The following SPINK6 variants were observed in gnomAD, a reference collection of about 807,000 sequenced individuals.
SPINK6 encodes serine peptidase inhibitor Kazal type 6, also known as serine protease inhibitor Kazal-type 6.
A neutral mutation model predicts 11.7 loss-of-function variants in SPINK6; 13 were observed. The observed-to-expected ratio is 1.11, with a 90% CI of 0.72 to 1.76. SPINK6 has a LOEUF of 1.76. Ranked by LOEUF, SPINK6 falls within the 40% of genes most tolerant of loss-of-function variation. The pLI is 0.00. For missense variants in SPINK6, 98 were observed against 93.7 expected (o/e 1.05, Z -0.19); for synonymous variants, 21 against 31.9 (o/e 0.66, Z 1.15).
chr5:148,205,841 T>C (rs1442507338), intron 1 of SPINK6, among the ~76,000 whole-genome samples, 195 bp from the exon 2 acceptor site: 1 of 150,742 alleles, frequency 6.6e-6, no homozygotes, highest in East Asian at 1.9e-4. Flanking sequence ...TGTCTTTATA[T>C]GACCTTCTTA....
intron 2 of SPINK6, among the ~76,000 whole-genome samples, chr5:148,209,309 A>T (rs1755538838): frequency 6.6e-6 from 1 of 152,208 alleles, no homozygotes; most frequent in Non-Finnish European, 1.5e-5. Context: ...CAACACTTCA[A>T]GACTCCTGAC....
chr5:148,203,837 T>C (rs913895272), intron 1 of SPINK6, among the ~76,000 whole-genome samples: 1 of 152,156 alleles, frequency 6.6e-6, no homozygotes, highest in African/African-American at 2.4e-5. Context: ...TTATGTTTTT[T>C]AAGACAGAAC....
intron 2 of SPINK6, among the ~76,000 whole-genome samples, chr5:148,208,557 AT>A (rs1755529456): frequency 6.6e-6 from 1 of 152,224 alleles, no homozygotes; most frequent in Non-Finnish European, 1.5e-5. Flanking sequence ...ACTTCAAAAA[AT>A]ATCACATTAA....
intron 2 of SPINK6, among the ~76,000 whole-genome samples, chr5:148,209,746 G>A (rs904098826): frequency 1.3e-5 from 2 of 151,978 alleles, no homozygotes; most frequent in Non-Finnish European, 2.9e-5. Context: ...ATGAGGTAAA[G>A]CAATGCAGAA....
rs777868855 is a variant in SPINK6 at position 148,213,953 on chromosome 5, G to C, written c.125G>C (p.Arg42Pro). 9 of 1,613,622 alleles carry C rather than the reference G, an allele frequency of 5.6e-6. No homozygotes were observed. The South Asian group carries it at 9.9e-5, about 18-fold the overall frequency. The part of the protein sequence containing the change: ...EFQDPKVYCT[R>P]ESNPHCGSDG... ...CAGGACCCCAAGGTCTACTGCACTC[G>C]GGAATCTAACCCACACTGTGGCTCT... is the stretch of plus-strand genomic sequence containing the variant. The change falls in exon 3 of 4, where the codon CGG becomes CCG. Residue 42 changes from arginine to proline, a missense_variant. Arg to Pro is a moderately radical substitution (Grantham distance 103, BLOSUM62 -2). Coordinates refer to ENST00000325630, the MANE Select transcript of SPINK6 (RefSeq NM_205841.4).
At chr5:148,210,288 A>G (rs1561732664) in intron 2 of SPINK6, among the ~76,000 whole-genome samples, 3 of 18,458 alleles carry the variant, frequency 1.6e-4, no homozygotes, top group African/African-American at 5.9e-4. Flanking sequence ...GCATACATAT[A>G]TATGTATGTT....
In SPINK6 at chr5:148,210,007, C is replaced by CATACACCCGTACGTATGT. The variant is rs1554112271; in HGVS notation, c.82-3901_82-3900insACACCCGTACGTATGTAT. 5.7e-5 allele frequency among the ~76,000 whole-genome samples: 6 copies of CATACACCCGTACGTATGT among 105,730 alleles called. 1 individual carries two copies. Among genetic ancestry groups the CATACACCCGTACGTATGT allele is most frequent in the African/African-American group, 1.0e-4 (2 of 19,652 alleles). The allele number at this position is 105,730 out of a possible 152,430, so 69.4% of individuals were successfully genotyped here. The stretch of plus-strand genomic sequence containing the variant: ...ATGTATACATATACACGTATGTATA[C>CATACACCCGTACGTATGT]ATGTATGTACGCATGTACGCATGCA... On this transcript the variant is annotated intron_variant, in intron 2 of 3. Coordinates refer to ENST00000325630, the MANE Select transcript of SPINK6 (RefSeq NM_205841.4).
In SPINK6 at chr5:148,214,905, G is replaced by A. The variant is rs1048347186; in HGVS notation, c.198G>A (p.Val66=). Residue 66 remains valine, a splice_region_variant and synonymous_variant, in exon 4 of 4, where the codon GTG becomes GTA. Coordinates refer to ENST00000325630, the MANE Select transcript of SPINK6 (RefSeq NM_205841.4). ...ATATATTTGTCTTTCTTTTTTGTAG[G>A]AAAAGTGGTGGAAAGATTAGCCTAA... ...GNKCAFCKAI[V]KSGGKISLKH... is the part of the protein sequence containing the mutation. 2.5e-6 allele frequency: 4 copies of A among 1,613,062 alleles called. No homozygotes were observed. The highest frequency in any genetic ancestry group is 3.4e-6 in the Non-Finnish European group (4 of 1,179,492).
intron 2 of SPINK6, among the ~76,000 whole-genome samples, chr5:148,212,589 ATTT>A (rs1177195916): frequency 3.0e-5 from 3 of 101,090 alleles, no homozygotes; most frequent in African/African-American, 1.3e-4. Flanking sequence ...ATATAAATAT[ATTT>A]TATATAATAT....
chr5:148,211,238 G>A (rs1430865656), intron 2 of SPINK6, among the ~76,000 whole-genome samples: 3 of 152,094 alleles, frequency 2.0e-5, no homozygotes, highest in African/African-American at 7.2e-5. Flanking sequence ...GGAAGTATTT[G>A]GGTAAAAGTT....
intron 2 of SPINK6, among the ~76,000 whole-genome samples, chr5:148,213,477 G>C (rs1276448004): frequency 6.6e-6 from 1 of 152,052 alleles, no homozygotes; most frequent in Non-Finnish European, 1.5e-5. Flanking sequence ...GGGATTACAG[G>C]CTTGAGCCAC....
intron 1 of SPINK6, among the ~76,000 whole-genome samples, chr5:148,205,036 T>C (rs996241858): frequency 1.3e-5 from 2 of 152,194 alleles, no homozygotes; most frequent in Non-Finnish European, 2.9e-5. Flanking sequence ...ATATTGCTAG[T>C]TATAAATCAA....
At chr5:148,206,857 T>G (rs77597690) in intron 2 of SPINK6, among the ~76,000 whole-genome samples, 3,129 of 152,326 alleles carry the variant, frequency 0.021, 133 homozygotes, top group African/African-American at 0.072. Flanking sequence ...TTGTTATACC[T>G]TTGACATGAA....
chr5:148,208,051 T>C (rs907478654), intron 2 of SPINK6, among the ~76,000 whole-genome samples: 5 of 152,302 alleles, frequency 3.3e-5, no homozygotes, highest in South Asian at 2.1e-4. Context: ...GCAAACTGTA[T>C]TGGGAAGCAT....
At chr5:148,211,452 CT>C (rs1755596263) in intron 2 of SPINK6, among the ~76,000 whole-genome samples, 1 of 152,162 alleles carries the variant, frequency 6.6e-6, no homozygotes, top group Non-Finnish European at 1.5e-5. Flanking sequence ...AATAAGGTTA[CT>C]TTCTACACTC....
chr5:148,214,005 T>C lies in SPINK6; in HGVS notation c.177T>C (p.Cys59=), dbSNP rs1396648928. 1 of 1,611,278 alleles carries C rather than the reference T, an allele frequency of 6.2e-7. No individual in the cohort carries two copies. The highest frequency in any genetic ancestry group is 8.5e-7 in the Non-Finnish European group (1 of 1,177,414). Residue 59 remains cysteine (C), a synonymous_variant, in exon 3 of 4, where the codon TGT becomes TGC. Transcript: ENST00000325630. Reference sequence around the variant, plus strand: ...ATGGCCAGACATATGGCAATAAATGTGCCTTCTGTAAGGCCATAGTGTAAG... The same window carrying C: ...ATGGCCAGACATATGGCAATAAATGCGCCTTCTGTAAGGCCATAGTGTAAG... The part of the protein sequence containing the change: ...GSDGQTYGNK[C]AFCKAIVKSG...
intron 2 of SPINK6, among the ~76,000 whole-genome samples, chr5:148,208,731 A>C (rs1019130085): frequency 3.3e-5 from 5 of 152,244 alleles, no homozygotes; most frequent in Admixed American, 6.5e-5. Flanking sequence ...TAAGAGTAAA[A>C]TAAAACTACT....
At chr5:148,212,691 CTATATATTTATACAATATATAGTTTATAT>C in intron 2 of SPINK6, among the ~76,000 whole-genome samples, 1 of 106,994 alleles carries the variant, frequency 9.3e-6, no homozygotes, top group Non-Finnish European at 1.7e-5. Flanking sequence ...TTTATATAAA[CTATATATTTATACAATATATAGTTTATAT>C]ATTTTATATA....
At chr5:148,203,034 T>C (rs1346434451), upstream of SPINK6, 3 of 1,395,134 alleles carry the variant, frequency 2.2e-6, no homozygotes, top group African/African-American at 2.9e-5. Flanking sequence ...TTTCTGGGAA[T>C]TGTCTTGACA....
Sources: gnomAD v4.1 joint callset for allele counts (sites outside exome capture counted in the v4.1 genomes callset) on GRCh38, gnomAD v4.1.1 for gene constraint, MANE v1.5 for transcripts, NCBI Gene and HGNC (gene_info 2026-07-23, HGNC 2026-07-21) for gene names.